The following IFNAR1 variants were observed in gnomAD, a reference collection of about 807,000 sequenced individuals.
IFNAR1 encodes interferon alpha/beta receptor 1.
IFNAR1 carries 47 observed loss-of-function variants against 62.1 expected under a neutral mutation model. That is an observed-to-expected ratio of 0.76 (90% CI 0.60 to 0.97). IFNAR1 has a LOEUF of 0.97. Among genes scored for constraint, IFNAR1 ranks in the 50% least tolerant of loss-of-function variants. IFNAR1 has a pLI of 0.00. For synonymous variants in IFNAR1, 219 were observed against 226.9 expected, an observed-to-expected ratio of 0.97 and a Z score of 0.31; for missense variants, 638 against 654.5, an observed-to-expected ratio of 0.97 and a Z score of 0.27.
At position 33,353,894 on chromosome 21, in the gene IFNAR1, CTGATT is replaced by C. The variant is rs532787854; in HGVS notation, c.1440+114_1440+118del. 497 of 691,372 alleles carry C rather than the reference CTGATT, an allele frequency of 7.2e-4. 1 individual carries two copies. In the African/African-American group the frequency reaches 8.3e-3, roughly 12 times the overall value. 42.8% of individuals were successfully genotyped at this position (691,372 alleles called of 1,614,324 possible). On this transcript the variant is annotated intron_variant, in intron 10 of 10. Coordinates refer to ENST00000270139, the MANE Select transcript of IFNAR1 (RefSeq NM_000629.3). Reference sequence around the variant, plus strand: ...CTTGATATCCAGAAAATAATAGAGACTGATTTGGGTATCTTCTTCAAAGCTTTAGT... The same window carrying C: ...CTTGATATCCAGAAAATAATAGAGACTGGGTATCTTCTTCAAAGCTTTAGT...
At chr21:33,347,225 G>T (rs535947800) in intron 6 of IFNAR1, among the ~76,000 whole-genome samples, 8 of 151,682 alleles carry the variant, frequency 5.3e-5, no homozygotes, top group Non-Finnish European at 7.4e-5. Context: ...CGCGTCCTGG[G>T]TTCAAGTGAT....
Position 33,335,648 on chromosome 21 carries a change from GT to G in IFNAR1, c.200+2del, listed in dbSNP as rs1198829221. On this transcript the variant is annotated splice_donor_variant, in intron 2 of 10. Transcript: ENST00000270139. LOFTEE classifies it high-confidence loss of function. Reference sequence around the variant, plus strand: ...TGACTTTTTCATTCGATTATCAAAAGTATGTGACTCTACTTACTGATTTGTC... The same window carrying G: ...TGACTTTTTCATTCGATTATCAAAAGATGTGACTCTACTTACTGATTTGTC... 1 of 1,548,742 alleles carries G rather than the reference GT, an allele frequency of 6.5e-7. No individual in the cohort carries two copies. Among genetic ancestry groups the G allele is most frequent in the East Asian group, 2.4e-5 (1 of 41,986 alleles).
rs1249380179 is a variant in IFNAR1, at chr21:33,356,767, CAT to C, written c.*1220_*1221del. The C allele has an allele frequency of 3.3e-5, 5 of 152,172 alleles. No homozygotes were observed. The highest frequency in any genetic ancestry group is 1.2e-4 in the African/African-American group (5 of 41,426). The allele number at this position is 152,172 out of a possible 1,614,324, so 9.4% of individuals were successfully genotyped here. A position where few individuals can be genotyped will look rare whatever the true frequency, so the allele number is the denominator to read the frequency against. On this transcript the variant is annotated 3_prime_UTR_variant, in exon 11 of 11. Transcript: ENST00000270139. Reference sequence around the variant, plus strand: ...GAAAATGGCAATGATAGGAGACTGACATAGAAGAAGAATGCTTCCCTAGGAAA... The same window carrying C: ...GAAAATGGCAATGATAGGAGACTGACAGAAGAAGAATGCTTCCCTAGGAAA...
intron 10 of IFNAR1, among the ~76,000 whole-genome samples, 155 bp downstream of exon 10, chr21:33,353,938 A>T (rs2083424215): frequency 6.6e-6 from 1 of 152,242 alleles, no homozygotes; most frequent in Non-Finnish European, 1.5e-5. Context: ...TTAACTTTAA[A>T]AACAGTAATT....
At chr21:33,343,728 A>G (rs2083317622) in intron 5 of IFNAR1, 52 bp downstream of exon 5, 1 of 1,336,388 alleles carries the variant, frequency 7.5e-7, no homozygotes, top group Non-Finnish European at 1.0e-6. Flanking sequence ...CAGATTGTCA[A>G]TTTTGGCATC....
At chr21:33,336,120 G>A (rs1261784965) in intron 2 of IFNAR1, among the ~76,000 whole-genome samples, 1 of 143,434 alleles carries the variant, frequency 7.0e-6, no homozygotes, top group Non-Finnish European at 1.5e-5. Flanking sequence ...TCCCCTTCCT[G>A]TGTCCATGTG....
Position 33,343,554 on chromosome 21 carries a change from A to G in IFNAR1, c.551A>G (p.Tyr184Cys). The stretch of plus-strand genomic sequence containing the variant: ...TTATAGGAAAGGATTGAAAATATTT[A>G]TTCCAGACATAAAATTTATAAACTC... ...SGVEERIENI[Y>C]SRHKIYKLSP... Residue 184 changes from tyrosine to cysteine, a missense_variant, in exon 5 of 11, where the codon TAT becomes TGT. Transcript: ENST00000270139. 6.5e-7 allele frequency: 1 copy of G among 1,546,354 alleles called. No individual in the cohort carries two copies. The highest frequency in any genetic ancestry group is 1.1e-5 in the South Asian group (1 of 89,010).
chr21:33,342,026 C>T (rs1233535555), intron 3 of IFNAR1, among the ~76,000 whole-genome samples: 1 of 152,154 alleles, frequency 6.6e-6, no homozygotes, highest in East Asian at 1.9e-4. Context: ...GGATTGAAAA[C>T]TTTACCAGTT....
At chr21:33,339,262 G>A (rs1242292855) in intron 2 of IFNAR1, among the ~76,000 whole-genome samples, 1 of 152,104 alleles carries the variant, frequency 6.6e-6, no homozygotes, top group Admixed American at 6.6e-5. Flanking sequence ...TTCTGATGTG[G>A]AACCTTTTCA....
chr21:33,328,006 C>T (rs892382193), intron 1 of IFNAR1, among the ~76,000 whole-genome samples: 2 of 152,208 alleles, frequency 1.3e-5, no homozygotes, highest in Non-Finnish European at 2.9e-5. Flanking sequence ...TCAAGCTTGT[C>T]CAACCCACAG....
chr21:33,334,579 A>T (rs1407449496), intron 1 of IFNAR1: 2 of 571,442 alleles, frequency 3.5e-6, no homozygotes, highest in Non-Finnish European at 6.8e-6. Context: ...ATGCTTAAGG[A>T]AGTCCTGAAA....
At chr21:33,347,549 G>A (rs558795444) in intron 6 of IFNAR1, among the ~76,000 whole-genome samples, 11 of 152,174 alleles carry the variant, frequency 7.2e-5, no homozygotes, top group Non-Finnish European at 1.3e-4. Flanking sequence ...TTAGAGGCAT[G>A]AGCCACCATG....
intron 10 of IFNAR1, 81 bp downstream of exon 10, chr21:33,353,864 G>A (rs1035381806): frequency 1.1e-6 from 1 of 919,890 alleles, no homozygotes; most frequent in Admixed American, 2.8e-5. Context: ...ATATATGTAG[G>A]TTTTCTTGAT....
chr21:33,353,615 A>G, intron 9 of IFNAR1, 23 bp from the exon 10 acceptor site: 1 of 1,414,218 alleles, frequency 7.1e-7, no homozygotes, highest in Non-Finnish European at 9.7e-7. Flanking sequence ...AATATATGCT[A>G]AATATCACGT....
chr21:33,333,792 T>G (rs1254875745), intron 1 of IFNAR1, among the ~76,000 whole-genome samples: 5 of 149,476 alleles, frequency 3.3e-5, no homozygotes, highest in African/African-American at 7.5e-5. Flanking sequence ...CCCGGCTAAT[T>G]TTTTGTATTT....
At position 33,343,340 on chromosome 21, in the gene IFNAR1, C is replaced by G; in HGVS notation, c.449C>G (p.Thr150Arg). 1 of 1,612,292 alleles carries G rather than the reference C, an allele frequency of 6.2e-7. No individual in the cohort carries two copies. Among genetic ancestry groups the G allele is most frequent in the African/African-American group, 1.3e-5 (1 of 74,980 alleles). ...ATAGTGATACACATCTCTCCTGGAA[C>G]AAAAGATAGTGTTATGTGGGCTTTG... ...KAIVIHISPG[T>R]KDSVMWALDG... Residue 150 changes from threonine (T) to arginine (R), a missense_variant, in exon 4 of 11, where the codon ACA (threonine) becomes AGA (arginine). By Grantham distance (71) the Thr-to-Arg change is moderately conservative. Transcript: ENST00000270139.
chr21:33,352,782 G>A lies in IFNAR1; in HGVS notation c.1168G>A (p.Asp390Asn). ...AERKIIEKKT[D>N]VTVPNLKPLT... The stretch of plus-strand genomic sequence containing the variant: ...GAGAAAAATTATCGAGAAAAAAACT[G>A]ATGTTACAGTTCCTAATTTGAAACC... The change falls in exon 9 of 11, where the codon GAT (aspartate) becomes AAT (asparagine). Residue 390 changes from aspartate to asparagine, a missense_variant. Asp to Asn is a conservative substitution (Grantham distance 23). Coordinates refer to ENST00000270139, the MANE Select transcript of IFNAR1 (RefSeq NM_000629.3). 6.5e-7 allele frequency: 1 copy of A among 1,533,486 alleles called. No individual in the cohort carries two copies. The highest frequency in any genetic ancestry group is 1.2e-5 in the South Asian group (1 of 82,108). The allele number at this position is 1,533,486 out of a possible 1,614,324, so 95.0% of individuals were successfully genotyped here.
intron 6 of IFNAR1, among the ~76,000 whole-genome samples, chr21:33,346,235 T>C (rs2083344836): frequency 6.6e-6 from 1 of 151,170 alleles, no homozygotes; most frequent in South Asian, 2.1e-4. Context: ...AGAAAAGAGA[T>C]GGAAAGAAAG....
rs983770894 is a variant in IFNAR1, at chr21:33,356,630, G to A, written c.*1081G>A. The A allele has an allele frequency of 2.0e-5, 3 of 152,174 alleles. No individual in the cohort carries two copies. Among genetic ancestry groups the A allele is most frequent in the African/African-American group, 7.2e-5 (3 of 41,442 alleles). 9.4% of individuals were successfully genotyped at this position (152,174 alleles called of 1,614,324 possible). A position where few individuals can be genotyped will look rare whatever the true frequency, so the allele number is the denominator to read the frequency against. ...CAATCACTGAAGTCATAGAAAATAG[G>A]TAACTATCTAATTAGAGAAATAATT... On this transcript the variant is annotated 3_prime_UTR_variant, in exon 11 of 11. Coordinates refer to ENST00000270139, the MANE Select transcript of IFNAR1 (RefSeq NM_000629.3).
Sources: gnomAD v4.1 joint callset for allele counts (sites outside exome capture counted in the v4.1 genomes callset) on GRCh38, gnomAD v4.1.1 for gene constraint, MANE v1.5 for transcripts, NCBI Gene and HGNC (gene_info 2026-07-23, HGNC 2026-07-21) for gene names.